Variants in SLC25A30 observed in about 807,000 individuals in gnomAD.
The protein encoded by SLC25A30 is solute carrier family 25 member 30.
Under a neutral mutation model 42.7 loss-of-function variants are expected in SLC25A30, and 29 were observed. The ratio of observed to expected loss-of-function variants is 0.68; its 90% CI spans 0.51 to 0.93. The LOEUF (loss-of-function observed/expected upper bound fraction) is 0.93, where lower values mean the gene tolerates loss of function less well. Ranked by LOEUF, SLC25A30 falls within the 40% of genes least tolerant of loss-of-function variation. The probability of loss-of-function intolerance (pLI) is 0.00; values close to 1 mark genes in which losing one functional copy is unlikely to be tolerated. For synonymous variants in SLC25A30, 124 were observed against 131.0 expected (o/e 0.95, Z 0.37); for missense variants, 300 against 359.7 (o/e 0.83, Z 1.34).
intron 2 of SLC25A30, among the ~76,000 whole-genome samples, chr13:45,410,803 C>A (rs1198841682): frequency 6.6e-6 from 1 of 152,178 alleles, no homozygotes; most frequent in Non-Finnish European, 1.5e-5. Context: ...CAGAACCAGA[C>A]CCTGTCTCAA....
At chr13:45,414,635 T>TACATAC (rs1883354261) in intron 1 of SLC25A30, among the ~76,000 whole-genome samples, 1 of 139,908 alleles carries the variant, frequency 7.1e-6, no homozygotes, top group East Asian at 2.1e-4. Context: ...CACACACACA[T>TACATAC]ACACACACAC....
chr13:45,424,570 AATATATAAATATATATAAAT>A, the SLC25A30 span, among the ~76,000 whole-genome samples: 1,082 of 27,392 alleles, frequency 0.04, 173 homozygotes, highest in Middle Eastern at 0.071. Flanking sequence ...TAAATGTATA[AATATATAAATATATATAAAT>A]ATATATAAAT....
the SLC25A30 span, among the ~76,000 whole-genome samples, chr13:45,432,374 TA>T: frequency 2.0e-5 from 3 of 152,156 alleles, no homozygotes; most frequent in Non-Finnish European, 4.4e-5. Flanking sequence ...ATGGCTTTTT[TA>T]GCAAGAATTA....
At chr13:45,398,801 A>G in intron 8 of SLC25A30, 139 bp downstream of exon 8, 5 of 806,988 alleles carry the variant, frequency 6.2e-6, no homozygotes, top group Non-Finnish European at 7.4e-6. Flanking sequence ...CAGTGTGGCA[A>G]AAATGGTCTC....
At position 45,394,471 on chromosome 13, in the gene SLC25A30, A is replaced by C; in HGVS notation, c.*1503T>G. 1 of 985,444 alleles carries C rather than the reference A, an allele frequency of 1.0e-6. No individual in the cohort carries two copies. The highest frequency in any genetic ancestry group is 1.2e-6 in the Non-Finnish European group (1 of 829,956). 61.0% of individuals were successfully genotyped at this position (985,444 alleles called of 1,614,324 possible). ...AATTTGGCCGCACTACTGTGGAAGG[A>C]GAATGCCCTGGAGCCCCAGCTAACA... is the stretch of plus-strand genomic sequence containing the variant. On this transcript the variant is annotated 3_prime_UTR_variant, in exon 10 of 10. Coordinates refer to ENST00000519676, the MANE Select transcript of SLC25A30 (RefSeq NM_001010875.4).
rs1882116001 is a variant in SLC25A30 at position 45,402,701 on chromosome 13, G to C, written c.394-331C>G. On this transcript the variant is annotated intron_variant, in intron 5 of 9. Transcript: ENST00000519676. ...CAGCATACTTCCCTACTACTATATA[G>C]GTGAGAGAAAAGTTAATTTCAAAGG... 2 of 868,414 alleles carry C rather than the reference G, an allele frequency of 2.3e-6. 1 individual carries two copies. The highest frequency in any genetic ancestry group is 1.2e-4 in the Admixed American group (2 of 16,126). The allele number at this position is 868,414 out of a possible 1,614,324, so 53.8% of individuals were successfully genotyped here.
chr13:45,400,033 T>TACACAC (rs71184413), intron 7 of SLC25A30, among the ~76,000 whole-genome samples: 5,013 of 122,936 alleles, frequency 0.041, 208 homozygotes, highest in Non-Finnish European at 0.051. Flanking sequence ...TATATATATA[T>TACACAC]ACACACACAC....
At chr13:45,402,393 A>G (rs1882080352) in intron 5 of SLC25A30, 23 bp from the exon 6 acceptor site, 1 of 1,593,942 alleles carries the variant, frequency 6.3e-7, no homozygotes, top group African/African-American at 1.3e-5. Context: ...TTAAAGACCA[A>G]CATCAGAAAG....
the SLC25A30 span, among the ~76,000 whole-genome samples, chr13:45,427,171 G>T: frequency 6.6e-6 from 1 of 151,986 alleles, no homozygotes; most frequent in African/African-American, 2.4e-5. Context: ...CCCAAAACAC[G>T]GTGCTTTGAC....
Position 45,395,811 on chromosome 13 carries a change from C to A in SLC25A30, c.*163G>T. ...CATTAAACGTTTGATGAAGAGCATCCAATGCCAACACACAGCAATCTCAAC... is the reference window on the plus strand; with the variant it reads ...CATTAAACGTTTGATGAAGAGCATCAAATGCCAACACACAGCAATCTCAAC... On this transcript the variant is annotated 3_prime_UTR_variant, in exon 10 of 10. Coordinates refer to ENST00000519676, the MANE Select transcript of SLC25A30 (RefSeq NM_001010875.4). 6.6e-7 allele frequency: 1 copy of A among 1,509,312 alleles called. No homozygotes were observed. Among genetic ancestry groups the A allele is most frequent in the Non-Finnish European group, 8.9e-7 (1 of 1,129,628 alleles). 93.5% of individuals were successfully genotyped at this position (1,509,312 alleles called of 1,614,324 possible). A position where few individuals can be genotyped will look rare whatever the true frequency, so the allele number is the denominator to read the frequency against.
the SLC25A30 span, among the ~76,000 whole-genome samples, chr13:45,425,129 A>C: frequency 3.7e-5 from 1 of 26,752 alleles, no homozygotes. Flanking sequence ...TAAATATATA[A>C]GTATATAAAT....
At chr13:45,421,758 T>C (rs539876567), upstream of SLC25A30, among the ~76,000 whole-genome samples, 2 of 152,338 alleles carry the variant, frequency 1.3e-5, no homozygotes, top group African/African-American at 4.8e-5. Flanking sequence ...TGAATTCATC[T>C]GGCCATGGCA....
chr13:45,423,618 AT>A, the SLC25A30 span, among the ~76,000 whole-genome samples: 7 of 60,882 alleles, frequency 1.1e-4, no homozygotes, highest in African/African-American at 4.4e-4. Flanking sequence ...TATATATAAA[AT>A]ATATATATAT....
At chr13:45,424,467 ATATATAAATATATG>A in the SLC25A30 span, among the ~76,000 whole-genome samples, 1 of 78,050 alleles carries the variant, frequency 1.3e-5, no homozygotes, top group Non-Finnish European at 2.3e-5. Flanking sequence ...ACATATAAAA[ATATATAAATATATG>A]TATATAAATA....
chr13:45,423,535 CAAATATATATAAATACATAAA>C, the SLC25A30 span, among the ~76,000 whole-genome samples: 13 of 80,968 alleles, frequency 1.6e-4, 1 homozygote, highest in South Asian at 1.5e-3. Context: ...AATATATATA[CAAATATATATAAATACATAAA>C]AAAAATATAT....
At chr13:45,421,908 A>C (rs573270651), upstream of SLC25A30, among the ~76,000 whole-genome samples, 119 of 152,182 alleles carry the variant, frequency 7.8e-4, 2 homozygotes, top group African/African-American at 2.7e-3. Flanking sequence ...TCAATCCTAC[A>C]TTCTAAAGTC....
chr13:45,403,665 C>T (rs1240941247), intron 5 of SLC25A30, among the ~76,000 whole-genome samples: 1 of 152,126 alleles, frequency 6.6e-6, no homozygotes, highest in South Asian at 2.1e-4. Context: ...AGGCCAGGCA[C>T]GGTGGCTCAC....
the SLC25A30 span, among the ~76,000 whole-genome samples, chr13:45,424,983 A>T: frequency 7.6e-4 from 3 of 3,936 alleles, no homozygotes; most frequent in African/African-American, 2.6e-3. Flanking sequence ...TAAGTATATA[A>T]AAATATATAT....
chr13:45,397,458 C>T (rs996581424), intron 8 of SLC25A30, 120 bp from the exon 9 acceptor site: 27 of 654,732 alleles, frequency 4.1e-5, no homozygotes, highest in African/African-American at 4.0e-4. Context: ...TTTGGGAGGC[C>T]GAGGCGGGTG....
Sources: gnomAD v4.1 joint callset for allele counts (sites outside exome capture counted in the v4.1 genomes callset) on GRCh38, gnomAD v4.1.1 for gene constraint, MANE v1.5 for transcripts, NCBI Gene and HGNC (gene_info 2026-07-23, HGNC 2026-07-21) for gene names.